BRWD1: variants seen among roughly 807,000 people sequenced by gnomAD.
The protein encoded by BRWD1 is bromodomain and WD repeat domain containing 1.
Under a neutral mutation model 251.2 loss-of-function variants are expected in BRWD1, and 82 were observed. That is an observed-to-expected ratio of 0.33 (90% CI 0.27 to 0.39). The LOEUF (loss-of-function observed/expected upper bound fraction) is 0.39. Ranked by LOEUF, BRWD1 falls within the 10% of genes least tolerant of loss-of-function variation. BRWD1 has a pLI of 1.00. For synonymous variants in BRWD1, 918 were observed against 902.8 expected (o/e 1.02, Z -0.30); for missense variants, 2,233 against 2,711.6 (o/e 0.82, Z 3.92).
At chr21:39,281,447 C>A (rs149510748) in intron 8 of BRWD1, among the ~76,000 whole-genome samples, 16 of 152,222 alleles carry the variant, frequency 1.1e-4, no homozygotes, top group Non-Finnish European at 1.2e-4. Context: ...GTAATCCCAG[C>A]GCTTTGTGGG....
At position 39,187,130 on chromosome 21, in the gene BRWD1, C is replaced by G. The variant is rs749797983; in HGVS notation, c.*9129G>C. On this transcript the variant is annotated 3_prime_UTR_variant, in exon 41 of 41. Coordinates refer to ENST00000342449, the MANE Select transcript of BRWD1 (RefSeq NM_033656.4). ...CTTTCAGAATTTATGGTTGTATCAT[C>G]CTCTTTATAAACATTCAGTAATTTT... 2 of 1,612,648 alleles carry G rather than the reference C, an allele frequency of 1.2e-6. No individual in the cohort carries two copies. The highest frequency in any genetic ancestry group is 1.7e-6 in the Non-Finnish European group (2 of 1,179,620).
intron 7 of BRWD1, among the ~76,000 whole-genome samples, chr21:39,295,250 G>A (rs901999033): frequency 3.4e-5 from 4 of 116,932 alleles, no homozygotes; most frequent in Admixed American, 1.3e-4. Flanking sequence ...GCAGTGGGGC[G>A]ATTTCTGCAC....
rs543264446 is a variant in BRWD1 at position 39,223,182 on chromosome 21, T to A, written c.3382+1226A>T. ...TAGACAATAGTATCGTATTAATAAT[T>A]TCCTGATTTTGATCACTGCAATGTG... On this transcript the variant is annotated intron_variant, in intron 29 of 40. Coordinates refer to ENST00000342449, the MANE Select transcript of BRWD1 (RefSeq NM_033656.4). Among the ~76,000 whole-genome samples the A allele has an allele frequency of 9.2e-5, 14 of 152,332 alleles. No individual in the cohort carries two copies. The East Asian group carries it at 2.7e-3, about 29-fold the overall frequency.
At position 39,207,489 on chromosome 21, in the gene BRWD1, A is replaced by C. The variant is rs1026828623; in HGVS notation, c.4198-1215T>G. ...ACACACACACACACACACACAAACAAAACTCCAAAAACAACAAGTGTTGGC... is the reference window on the plus strand; with the variant it reads ...ACACACACACACACACACACAAACACAACTCCAAAAACAACAAGTGTTGGC... On this transcript the variant is annotated intron_variant, in intron 36 of 40. Transcript: ENST00000342449. Among the ~76,000 whole-genome samples the C allele has an allele frequency of 3.1e-3, 215 of 68,818 alleles. 2 individuals carry two copies. The highest frequency in any genetic ancestry group is 9.6e-3 in the African/African-American group (159 of 16,626). 45.1% of individuals were successfully genotyped at this position (68,818 alleles called of 152,430 possible).
intron 8 of BRWD1, among the ~76,000 whole-genome samples, chr21:39,284,270 A>T (rs565829667): frequency 5.9e-5 from 9 of 152,228 alleles, no homozygotes; most frequent in Non-Finnish European, 1.2e-4. Flanking sequence ...GCTTGAGGCC[A>T]GAAGTTCAAG....
At chr21:39,210,690 C>A in intron 35 of BRWD1, 96 bp downstream of exon 35, 1 of 1,395,910 alleles carries the variant, frequency 7.2e-7, no homozygotes, top group Non-Finnish European at 9.5e-7. Context: ...TAACATAAAG[C>A]CTGGGTATCT....
At chr21:39,269,250 A>ATTT (rs375909440) in intron 15 of BRWD1, among the ~76,000 whole-genome samples, 1 of 150,674 alleles carries the variant, frequency 6.6e-6, no homozygotes, top group Non-Finnish European at 1.5e-5. Flanking sequence ...CAAAAAAAAA[A>ATTT]ATTTTTTTTT....
At chr21:39,274,987 G>GT (rs1367436785) in intron 12 of BRWD1, among the ~76,000 whole-genome samples, 3 of 152,008 alleles carry the variant, frequency 2.0e-5, no homozygotes, top group Admixed American at 1.3e-4. Flanking sequence ...TTGCAGTGCA[G>GT]TGAGCCGAGG....
At chr21:39,258,334 A>C (rs1389279083) in intron 18 of BRWD1, among the ~76,000 whole-genome samples, 153 bp downstream of exon 18, 1 of 152,152 alleles carries the variant, frequency 6.6e-6, no homozygotes, top group Admixed American at 6.5e-5. Context: ...ATTATCTCAC[A>C]CCTCATAAAG....
rs559677039 is a variant in BRWD1 at position 39,191,999 on chromosome 21, T to C, written c.*4260A>G. 11 of 985,132 alleles carry C rather than the reference T, an allele frequency of 1.1e-5. No individual in the cohort carries two copies. The highest frequency in any genetic ancestry group is 1.3e-5 in the Non-Finnish European group (11 of 829,806). 61.0% of individuals were successfully genotyped at this position (985,132 alleles called of 1,614,324 possible). A position where few individuals can be genotyped will look rare whatever the true frequency, so the allele number is the denominator to read the frequency against. On this transcript the variant is annotated 3_prime_UTR_variant, in exon 41 of 41. Coordinates refer to ENST00000342449, the MANE Select transcript of BRWD1 (RefSeq NM_033656.4). ...TGTTGCCAAAGATAGAGCCTGCAGA[T>C]TGGTAGAATCCAAATGATGTGACTC... is the stretch of plus-strand genomic sequence containing the variant.
At position 39,189,879 on chromosome 21, in the gene BRWD1, G is replaced by C. The variant is rs758434096; in HGVS notation, c.*6380C>G. ...CTGCTCTAACAATGCATTTGTGATG[G>C]TGCCATGTGATACTAAGAAGTCAGT... is the stretch of plus-strand genomic sequence containing the variant. On this transcript the variant is annotated 3_prime_UTR_variant, in exon 41 of 41. Transcript: ENST00000342449. 4 of 985,230 alleles carry C rather than the reference G, an allele frequency of 4.1e-6. No homozygotes were observed. The Admixed American group carries it at 2.5e-4, about 61-fold the overall frequency. The allele number at this position is 985,230 out of a possible 1,614,324, so 61.0% of individuals were successfully genotyped here.
chr21:39,191,433 G>T lies in BRWD1; in HGVS notation c.*4826C>A. On this transcript the variant is annotated 3_prime_UTR_variant, in exon 41 of 41. Coordinates refer to ENST00000342449, the MANE Select transcript of BRWD1 (RefSeq NM_033656.4). The stretch of plus-strand genomic sequence containing the variant: ...GTTTTTTAACTCTTTTGCTTGTTAA[G>T]ATGAAAATGCTAAATTTATTATATC... 1.0e-6 allele frequency: 1 copy of T among 984,264 alleles called. No homozygotes were observed. Among genetic ancestry groups the T allele is most frequent in the South Asian group, 4.7e-5 (1 of 21,264 alleles). 61.0% of individuals were successfully genotyped at this position (984,264 alleles called of 1,614,324 possible).
At chr21:39,234,371 T>C (rs1218217574) in intron 23 of BRWD1, among the ~76,000 whole-genome samples, 2 of 152,166 alleles carry the variant, frequency 1.3e-5, no homozygotes, top group Non-Finnish European at 2.9e-5. Flanking sequence ...TTATCCTATA[T>C]ATTATTAAGA....
chr21:39,290,555 A>G (rs1201147283), intron 8 of BRWD1, among the ~76,000 whole-genome samples: 1 of 152,166 alleles, frequency 6.6e-6, no homozygotes, highest in Non-Finnish European at 1.5e-5. Context: ...AGTAGGTGAT[A>G]AACGCATGTG....
chr21:39,270,495 T>C lies in BRWD1; in HGVS notation c.1245-62A>G, dbSNP rs147223577. ...ATGGCTGGCTATACAATGTATACAA[T>C]CTCTCATCAATACAAAAATAAAGAA... is the stretch of plus-strand genomic sequence containing the variant. On this transcript the variant is annotated intron_variant, in intron 13 of 40. Coordinates refer to ENST00000342449, the MANE Select transcript of BRWD1 (RefSeq NM_033656.4). The C allele has an allele frequency of 6.0e-5, 80 of 1,342,396 alleles. No homozygotes were observed. In the East Asian group the frequency reaches 1.8e-3, roughly 31 times the overall value. The allele number at this position is 1,342,396 out of a possible 1,614,324, so 83.2% of individuals were successfully genotyped here.
intron 38 of BRWD1, among the ~76,000 whole-genome samples, chr21:39,201,899 A>G (rs2032127582): frequency 6.6e-6 from 1 of 152,262 alleles, no homozygotes; most frequent in South Asian, 2.1e-4. Context: ...AGAAATAGAT[A>G]CACACCACAG....
Position 39,192,189 on chromosome 21 carries a change from T to G in BRWD1, c.*4070A>C. Reference sequence around the variant, plus strand: ...TCCCCATGTATCCTTGGGCAACATCTCTGTAATTTAACAGCCTTTAAAACT... The same window carrying G: ...TCCCCATGTATCCTTGGGCAACATCGCTGTAATTTAACAGCCTTTAAAACT... On this transcript the variant is annotated 3_prime_UTR_variant, in exon 41 of 41. Coordinates refer to ENST00000342449, the MANE Select transcript of BRWD1 (RefSeq NM_033656.4). 1.0e-6 allele frequency: 1 copy of G among 985,342 alleles called. No individual in the cohort carries two copies. Among genetic ancestry groups the G allele is most frequent in the Non-Finnish European group, 1.2e-6 (1 of 829,848 alleles). 61.0% of individuals were successfully genotyped at this position (985,342 alleles called of 1,614,324 possible).
rs1420953513 is a variant in BRWD1 at position 39,213,921 on chromosome 21, TATATAC to T, written c.3786-374_3786-369del. Among the ~76,000 whole-genome samples the T allele has an allele frequency of 1.1e-3, 163 of 149,838 alleles. 1 individual carries two copies. Among genetic ancestry groups the T allele is most frequent in the African/African-American group, 3.7e-3 (151 of 41,006 alleles). On this transcript the variant is annotated intron_variant, in intron 32 of 40. Transcript: ENST00000342449. ...TGATTTAAGGTAAAAAAAATATATA[TATATAC>T]ATATATATATAAGGGAAAAAGGAAT...
chr21:39,288,866 C>T (rs2035722853), intron 8 of BRWD1, among the ~76,000 whole-genome samples: 1 of 152,056 alleles, frequency 6.6e-6, no homozygotes, highest in Admixed American at 6.6e-5. Flanking sequence ...GTTGGTCTTG[C>T]TATCTCAGGG....
Sources: allele counts gnomAD v4.1 joint callset (sites outside exome capture counted in the v4.1 genomes callset), GRCh38; gene constraint gnomAD v4.1.1; transcripts MANE v1.5; gene names NCBI Gene and HGNC (gene_info 2026-07-23, HGNC 2026-07-21).